The following AGBL1 variants were observed in gnomAD, a reference collection of about 807,000 sequenced individuals.
The protein encoded by AGBL1 is AGBL carboxypeptidase 1.
A neutral mutation model predicts 118.9 loss-of-function variants in AGBL1; 130 were observed. The ratio of observed to expected loss-of-function variants is 1.09; its 90% CI spans 0.95 to 1.26. The LOEUF is 1.26. Among genes scored for constraint, AGBL1 ranks in the 50% most tolerant of loss-of-function variants. The probability of loss-of-function intolerance (pLI) is 0.00; values close to 1 mark genes in which losing one functional copy is unlikely to be tolerated. For missense variants in AGBL1, 1,584 were observed against 1,298.1 expected (o/e 1.22, Z -3.38); for synonymous variants, 555 against 478.9 (o/e 1.16, Z -2.08).
At chr15:86,721,212 A>G (rs1483307569) in intron 22 of AGBL1, among the ~76,000 whole-genome samples, 6 of 152,192 alleles carry the variant, frequency 3.9e-5, no homozygotes, top group African/African-American at 1.4e-4. Context: ...AGAATTTTAG[A>G]CCAATATTCC....
chr15:86,199,990 G>A (rs1262589096), intron 5 of AGBL1, among the ~76,000 whole-genome samples: 1 of 152,130 alleles, frequency 6.6e-6, no homozygotes, highest in Non-Finnish European at 1.5e-5. Context: ...CAAGAGCCAA[G>A]GTATTCTTGT....
chr15:86,547,974 C>G (rs1340257625), intron 20 of AGBL1, among the ~76,000 whole-genome samples: 1 of 152,096 alleles, frequency 6.6e-6, no homozygotes, highest in Non-Finnish European at 1.5e-5. Context: ...ATATAACTCC[C>G]TCTATCACTG....
At chr15:86,184,038 T>C (rs1035477087) in intron 5 of AGBL1, among the ~76,000 whole-genome samples, 2 of 152,200 alleles carry the variant, frequency 1.3e-5, no homozygotes, top group African/African-American at 4.8e-5. Flanking sequence ...CACAAGCTGG[T>C]GTACACATTC....
intron 7 of AGBL1, among the ~76,000 whole-genome samples, chr15:86,250,570 A>G (rs1414965183): frequency 1.5e-5 from 2 of 133,990 alleles, no homozygotes; most frequent in Non-Finnish European, 3.2e-5. Flanking sequence ...AAAAAAAAAA[A>G]AAAGGTGTGC....
intron 21 of AGBL1, among the ~76,000 whole-genome samples, chr15:86,611,145 G>A (rs1460895579): frequency 6.6e-6 from 1 of 152,170 alleles, no homozygotes; most frequent in Non-Finnish European, 1.5e-5. Context: ...AATGGGCACT[G>A]CATTAAATTA....
At chr15:86,457,724 G>C (rs1165944557) in intron 18 of AGBL1, among the ~76,000 whole-genome samples, 1 of 152,280 alleles carries the variant, frequency 6.6e-6, no homozygotes, top group South Asian at 2.1e-4. Flanking sequence ...ATATAGTTTT[G>C]TTGGTTGAAA....
At chr15:87,016,925 A>G (rs1219762229) in intron 24 of AGBL1, among the ~76,000 whole-genome samples, 1 of 152,196 alleles carries the variant, frequency 6.6e-6, no homozygotes, top group African/African-American at 2.4e-5. Context: ...CCACTGGGGC[A>G]CACACAGAGA....
intron 22 of AGBL1, among the ~76,000 whole-genome samples, chr15:86,720,599 A>G (rs2086703187): frequency 6.6e-6 from 1 of 152,174 alleles, no homozygotes; most frequent in African/African-American, 2.4e-5. Context: ...TCAGGACTAT[A>G]GTGGGCAACA....
intron 21 of AGBL1, among the ~76,000 whole-genome samples, chr15:86,619,694 G>A (rs1158396250): frequency 6.6e-6 from 1 of 152,126 alleles, no homozygotes; most frequent in Non-Finnish European, 1.5e-5. Context: ...GGCCATTAAA[G>A]GAACGAGATC....
intron 18 of AGBL1, among the ~76,000 whole-genome samples, chr15:86,444,602 G>A (rs1257383871): frequency 2.6e-5 from 4 of 152,164 alleles, no homozygotes; most frequent in Non-Finnish European, 5.9e-5. Flanking sequence ...TGGTTCTTAG[G>A]ATTCTTGGGA....
chr15:86,649,403 A>T (rs2085334139), intron 21 of AGBL1, among the ~76,000 whole-genome samples: 1 of 152,200 alleles, frequency 6.6e-6, no homozygotes, highest in South Asian at 2.1e-4. Context: ...AGAGAGTAGG[A>T]GAATGAATGG....
chr15:86,814,924 C>T (rs2141374627), intron 22 of AGBL1, among the ~76,000 whole-genome samples: 1 of 152,268 alleles, frequency 6.6e-6, no homozygotes. Context: ...AGAGTTCCTG[C>T]CTTCTTAGTA....
chr15:86,984,944 G>C (rs761516875), intron 23 of AGBL1, among the ~76,000 whole-genome samples: 4 of 152,138 alleles, frequency 2.6e-5, no homozygotes, highest in African/African-American at 4.8e-5. Flanking sequence ...GTCAAAATAG[G>C]TTAGTTTGCA....
intron 21 of AGBL1, among the ~76,000 whole-genome samples, chr15:86,583,337 C>T (rs904797946): frequency 6.6e-6 from 1 of 151,952 alleles, no homozygotes; most frequent in African/African-American, 2.4e-5. Context: ...TCAACCCTTG[C>T]CCCCTCCCTA....
chr15:86,760,246 G>C (rs1353865134), intron 22 of AGBL1, among the ~76,000 whole-genome samples: 1 of 152,026 alleles, frequency 6.6e-6, no homozygotes, highest in South Asian at 2.1e-4. Context: ...TGACTAAATT[G>C]TTCCTGGCTA....
chr15:86,504,781 T>C (rs1436329566), intron 18 of AGBL1, among the ~76,000 whole-genome samples: 1 of 151,740 alleles, frequency 6.6e-6, no homozygotes, highest in African/African-American at 2.4e-5. Context: ...GTTATGCCAT[T>C]GTTTTTTAAA....
At chr15:86,393,028 A>G (rs765964350) in intron 17 of AGBL1, among the ~76,000 whole-genome samples, 5 of 152,138 alleles carry the variant, frequency 3.3e-5, no homozygotes, top group Non-Finnish European at 7.4e-5. Context: ...TTGTAAGTTT[A>G]ACTTACCAAC....
intron 23 of AGBL1, among the ~76,000 whole-genome samples, chr15:86,941,492 G>A (rs904234198): frequency 6.6e-6 from 1 of 152,192 alleles, no homozygotes; most frequent in African/African-American, 2.4e-5. Context: ...GCCCAAGGAA[G>A]AGCCCTCTGC....
chr15:86,478,455 C>G (rs1434313403), intron 18 of AGBL1, among the ~76,000 whole-genome samples: 2 of 152,062 alleles, frequency 1.3e-5, no homozygotes, highest in African/African-American at 2.4e-5. Flanking sequence ...AACGGAGAGG[C>G]AAATCATGAG....
Sources: allele counts gnomAD v4.1 joint callset (sites outside exome capture counted in the v4.1 genomes callset), GRCh38; gene constraint gnomAD v4.1.1; transcripts MANE v1.5; gene names NCBI Gene and HGNC (gene_info 2026-07-23, HGNC 2026-07-21).